Variants in HS6ST3 observed in about 807,000 individuals in gnomAD.
HS6ST3 encodes heparan sulfate 6-O-sulfotransferase 3.
HS6ST3 carries 12 observed loss-of-function variants against 36.7 expected under a neutral mutation model. The observed-to-expected ratio is 0.33, with a 90% CI of 0.21 to 0.53. HS6ST3 has a LOEUF of 0.53. HS6ST3 is among the 20% of genes least tolerant of loss of function. The pLI, the probability that HS6ST3 is intolerant of heterozygous loss-of-function variation, is 0.95. For synonymous variants in HS6ST3, 240 were observed against 257.5 expected, an observed-to-expected ratio of 0.93 and a Z score of 0.65; for missense variants, 584 against 640.9, an observed-to-expected ratio of 0.91 and a Z score of 0.96.
At chr13:96,604,759 C>A (rs79364486) in intron 1 of HS6ST3, among the ~76,000 whole-genome samples, 1 of 152,116 alleles carries the variant, frequency 6.6e-6, no homozygotes, top group Non-Finnish European at 1.5e-5. Flanking sequence ...ATAAAAATTT[C>A]ATTTAAGTGT....
intron 1 of HS6ST3, among the ~76,000 whole-genome samples, chr13:96,541,868 C>T (rs1376585790): frequency 1.3e-5 from 2 of 152,144 alleles, no homozygotes; most frequent in African/African-American, 2.4e-5. Flanking sequence ...TACAACTCAT[C>T]GTATCATTTG....
intron 1 of HS6ST3, among the ~76,000 whole-genome samples, chr13:96,613,906 T>G (rs985894335): frequency 3.3e-5 from 5 of 152,172 alleles, no homozygotes; most frequent in African/African-American, 1.2e-4. Flanking sequence ...TCACGACAGG[T>G]GCCAAGCACT....
intron 1 of HS6ST3, among the ~76,000 whole-genome samples, chr13:96,810,749 C>G (rs769274570): frequency 6.6e-6 from 1 of 152,300 alleles, no homozygotes; most frequent in Non-Finnish European, 1.5e-5. Context: ...TTGCTGCCAA[C>G]TGAGAGCTTG....
rs12583905 is a variant in HS6ST3, at chr13:96,652,531, A to G, written c.708-179959A>G. On this transcript the variant is annotated intron_variant, in intron 1 of 1. Transcript: ENST00000376705. ...GTGCTTTAATGTACTTGGTACACAC[A>G]ATAAAAGGTGTTGGTATTTAAAATA... Among the ~76,000 whole-genome samples, 28 of 152,224 alleles carry G rather than the reference A, an allele frequency of 1.8e-4. No homozygotes were observed. In the East Asian group the frequency reaches 5.4e-3, roughly 30 times the overall value.
chr13:96,489,922 C>T (rs971828983), intron 1 of HS6ST3, among the ~76,000 whole-genome samples: 21 of 152,206 alleles, frequency 1.4e-4, no homozygotes, highest in Non-Finnish European at 2.4e-4. Flanking sequence ...CACTTCTGCC[C>T]TCTTCCTTCT....
intron 1 of HS6ST3, among the ~76,000 whole-genome samples, chr13:96,489,080 G>A (rs1157600327): frequency 1.3e-5 from 2 of 151,922 alleles, no homozygotes; most frequent in African/African-American, 2.4e-5. Context: ...ATTGTAATGG[G>A]CATGTTAACC....
At chr13:96,344,716 G>A (rs1292934099) in intron 1 of HS6ST3, among the ~76,000 whole-genome samples, 2 of 152,134 alleles carry the variant, frequency 1.3e-5, no homozygotes, top group Non-Finnish European at 2.9e-5. Context: ...TTCATTTGAT[G>A]TTCCTTTCAT....
At chr13:96,463,451 G>A (rs1010436513) in intron 1 of HS6ST3, among the ~76,000 whole-genome samples, 1 of 152,074 alleles carries the variant, frequency 6.6e-6, no homozygotes, top group Non-Finnish European at 1.5e-5. Context: ...TAAATTACAA[G>A]TAATTAAAAA....
At chr13:96,106,512 C>T (rs2053842598) in intron 1 of HS6ST3, among the ~76,000 whole-genome samples, 1 of 152,310 alleles carries the variant, frequency 6.6e-6, no homozygotes, top group African/African-American at 2.4e-5. Context: ...TCTTTACAGA[C>T]AGCAGCCTTG....
intron 1 of HS6ST3, among the ~76,000 whole-genome samples, chr13:96,207,199 A>G (rs1331821332): frequency 6.6e-6 from 1 of 152,196 alleles, no homozygotes; most frequent in Admixed American, 6.5e-5. Context: ...ACAAATACGA[A>G]AAAAAGCTCC....
intron 1 of HS6ST3, among the ~76,000 whole-genome samples, chr13:96,272,482 A>G (rs139420326): frequency 6.6e-6 from 1 of 151,988 alleles, no homozygotes; most frequent in African/African-American, 2.4e-5. Flanking sequence ...AGCAAGGGGA[A>G]TAGAAACTTC....
intron 1 of HS6ST3, among the ~76,000 whole-genome samples, chr13:96,225,498 A>G (rs1267796002): frequency 6.6e-6 from 1 of 152,222 alleles, no homozygotes; most frequent in Non-Finnish European, 1.5e-5. Flanking sequence ...AGTTAGGATT[A>G]TTTTAGATAA....
intron 1 of HS6ST3, among the ~76,000 whole-genome samples, chr13:96,175,382 T>C (rs1348268491): frequency 6.6e-6 from 1 of 152,090 alleles, no homozygotes; most frequent in African/African-American, 2.4e-5. Context: ...TTGAAGATTT[T>C]AAAATATTCT....
At chr13:96,195,030 T>C (rs1040499397) in intron 1 of HS6ST3, among the ~76,000 whole-genome samples, 1 of 152,232 alleles carries the variant, frequency 6.6e-6, no homozygotes, top group Non-Finnish European at 1.5e-5. Context: ...TATTTTAAAA[T>C]GCAACTTCAT....
chr13:96,688,912 C>T (rs1309474122), intron 1 of HS6ST3, among the ~76,000 whole-genome samples: 1 of 151,998 alleles, frequency 6.6e-6, no homozygotes, highest in African/African-American at 2.4e-5. Context: ...ACTTAAAAAT[C>T]CAGCTGAAAT....
intron 1 of HS6ST3, among the ~76,000 whole-genome samples, chr13:96,207,849 G>A (rs529470270): frequency 7.5e-4 from 114 of 152,188 alleles, no homozygotes; most frequent in Non-Finnish European, 1.3e-3. Context: ...ATGGGGGAAG[G>A]GATAGCATCA....
chr13:96,195,580 A>C (rs1296332565), intron 1 of HS6ST3, among the ~76,000 whole-genome samples: 1 of 152,138 alleles, frequency 6.6e-6, no homozygotes, highest in Non-Finnish European at 1.5e-5. Context: ...TGCTTGATGT[A>C]AACATGGCCC....
chr13:96,706,209 A>T (rs571276518), intron 1 of HS6ST3, among the ~76,000 whole-genome samples: 1 of 151,962 alleles, frequency 6.6e-6, no homozygotes, highest in South Asian at 2.1e-4. Context: ...TTCCCCTAGG[A>T]CCATATGCCC....
chr13:96,431,382 T>C (rs16953390), intron 1 of HS6ST3, among the ~76,000 whole-genome samples: 3,427 of 152,272 alleles, frequency 0.023, 135 homozygotes, highest in African/African-American at 0.079. Context: ...CTCTCCAGAG[T>C]GATTGACAGT....
Sources: allele counts gnomAD v4.1 joint callset (sites outside exome capture counted in the v4.1 genomes callset), GRCh38; gene constraint gnomAD v4.1.1; transcripts MANE v1.5; gene names NCBI Gene and HGNC (gene_info 2026-07-23, HGNC 2026-07-21).